The following CSNK1G3 variants were observed in gnomAD, a reference collection of about 807,000 sequenced individuals.
CSNK1G3 encodes the protein casein kinase I isoform gamma-3.
In CSNK1G3, 23 loss-of-function variants were observed where a neutral mutation model predicts 64.3. The ratio of observed to expected loss-of-function variants is 0.36; its 90% confidence interval spans 0.26 to 0.51. The LOEUF (loss-of-function observed/expected upper bound fraction) is 0.51, where lower values mean the gene tolerates loss of function less well. Ranked by LOEUF, CSNK1G3 falls within the 20% of genes least tolerant of loss-of-function variation. The pLI is 0.96. For synonymous variants in CSNK1G3, 158 were observed against 162.2 expected, an observed-to-expected ratio of 0.97 and a Z score of 0.20; for missense variants, 357 against 510.5, an observed-to-expected ratio of 0.70 and a Z score of 2.90.
At chr5:123,611,636 G>A (rs764229555) in intron 12 of CSNK1G3, among the ~76,000 whole-genome samples, 7 of 152,106 alleles carry the variant, frequency 4.6e-5, no homozygotes, top group South Asian at 2.1e-4. Flanking sequence ...ATCAAAATGT[G>A]TATTACATTA....
intron 12 of CSNK1G3, among the ~76,000 whole-genome samples, chr5:123,609,753 A>C (rs1795996539): frequency 6.6e-6 from 1 of 152,204 alleles, no homozygotes; most frequent in South Asian, 2.1e-4. Context: ...CCTTCCTTCC[A>C]TTCATAGTAT....
At chr5:123,514,259 C>T (rs1329510210) in intron 1 of CSNK1G3, among the ~76,000 whole-genome samples, 1 of 152,152 alleles carries the variant, frequency 6.6e-6, no homozygotes, top group African/African-American at 2.4e-5. Flanking sequence ...TTATTATAGT[C>T]ATCCACCCCC....
intron 3 of CSNK1G3, among the ~76,000 whole-genome samples, chr5:123,555,784 A>G (rs777713567): frequency 6.6e-6 from 1 of 152,082 alleles, no homozygotes; most frequent in Non-Finnish European, 1.5e-5. Context: ...GATTTGGGTC[A>G]GTATTTTTAT....
At chr5:123,593,114 A>T (rs1458161274) in intron 10 of CSNK1G3, among the ~76,000 whole-genome samples, 1 of 151,734 alleles carries the variant, frequency 6.6e-6, no homozygotes, top group Non-Finnish European at 1.5e-5. Context: ...ATGTCTTGCT[A>T]ACTAGAGTAT....
intron 12 of CSNK1G3, among the ~76,000 whole-genome samples, chr5:123,609,875 G>A (rs1046107772): frequency 2.7e-5 from 4 of 148,480 alleles, no homozygotes; most frequent in Non-Finnish European, 5.9e-5. Context: ...AGTCAATGGA[G>A]AATCATTGAT....
intron 6 of CSNK1G3, among the ~76,000 whole-genome samples, chr5:123,585,498 T>C (rs929467095): frequency 6.6e-6 from 1 of 152,114 alleles, no homozygotes; most frequent in Non-Finnish European, 1.5e-5. Flanking sequence ...TAAAATTTCT[T>C]TTAAACATAC....
At chr5:123,539,443 A>AC (rs946165531) in intron 1 of CSNK1G3, among the ~76,000 whole-genome samples, 28 of 149,570 alleles carry the variant, frequency 1.9e-4, no homozygotes, top group Admixed American at 4.7e-4. Context: ...AGATTAAAAA[A>AC]AAAAAAAAAA....
intron 3 of CSNK1G3, among the ~76,000 whole-genome samples, chr5:123,556,738 A>G (rs1197399215): frequency 6.6e-6 from 1 of 150,922 alleles, no homozygotes; most frequent in Non-Finnish European, 1.5e-5. Context: ...TCTAACGTCT[A>G]AAACCCATGT....
At chr5:123,543,341 G>A (rs779162817) in intron 1 of CSNK1G3, among the ~76,000 whole-genome samples, 1 of 152,062 alleles carries the variant, frequency 6.6e-6, no homozygotes, top group Non-Finnish European at 1.5e-5. Context: ...TATTAGTGAG[G>A]TTCTTCTGCT....
chr5:123,519,076 G>A (rs1031810207), intron 1 of CSNK1G3, among the ~76,000 whole-genome samples: 8 of 151,794 alleles, frequency 5.3e-5, no homozygotes, highest in East Asian at 1.9e-4. Context: ...TTTTTGAGAC[G>A]GAGTTTTACT....
At chr5:123,605,420 T>C in intron 12 of CSNK1G3, 58 bp downstream of exon 13, 1 of 1,574,180 alleles carries the variant, frequency 6.4e-7, no homozygotes. Context: ...TTCAAAGATT[T>C]AGCATCATTT....
chr5:123,529,488 C>A (rs888421013), intron 1 of CSNK1G3, among the ~76,000 whole-genome samples: 2 of 152,102 alleles, frequency 1.3e-5, no homozygotes, highest in East Asian at 3.8e-4. Flanking sequence ...CTGATGAGAT[C>A]TTTTTGGGGG....
intron 3 of CSNK1G3, among the ~76,000 whole-genome samples, chr5:123,553,417 T>G (rs1212973531): frequency 6.6e-6 from 1 of 152,176 alleles, no homozygotes; most frequent in Non-Finnish European, 1.5e-5. Context: ...TGGCCCTATT[T>G]TTAATTTAGG....
intron 6 of CSNK1G3, among the ~76,000 whole-genome samples, chr5:123,581,101 T>G (rs979238898): frequency 3.9e-5 from 6 of 151,950 alleles, no homozygotes; most frequent in African/African-American, 1.2e-4. Flanking sequence ...TTTTTTGCAG[T>G]TTAAAAACAT....
At chr5:123,593,536 A>G (rs1792839533) in intron 10 of CSNK1G3, among the ~76,000 whole-genome samples, 1 of 151,886 alleles carries the variant, frequency 6.6e-6, no homozygotes. Context: ...AGCTCTTACT[A>G]TATTCTTAGA....
At chr5:123,543,710 A>C (rs968259176) in intron 1 of CSNK1G3, among the ~76,000 whole-genome samples, 4 of 152,138 alleles carry the variant, frequency 2.6e-5, no homozygotes, top group African/African-American at 9.7e-5. Flanking sequence ...AAGGGATCAC[A>C]GTCTGTGCTG....
exon 6 of CSNK1G3, chr5:123,575,884 G>C (rs1789059509): frequency 2.5e-6 from 4 of 1,613,446 alleles, no homozygotes; most frequent in African/African-American, 1.3e-5. Context: ...CGGAGACAAA[G>C]AAACACATAC....
chr5:123,612,845 C>G (rs1748653819), intron 12 of CSNK1G3, among the ~76,000 whole-genome samples: 1 of 152,112 alleles, frequency 6.6e-6, no homozygotes, highest in Non-Finnish European at 1.5e-5. Flanking sequence ...ATATTATACA[C>G]AGTCTGAATT....
At chr5:123,592,985 G>A (rs1413708582) in intron 10 of CSNK1G3, among the ~76,000 whole-genome samples, 2 of 151,788 alleles carry the variant, frequency 1.3e-5, no homozygotes, top group African/African-American at 4.8e-5. Flanking sequence ...GATTAATACG[G>A]TATTCTTTGA....
Sources: gnomAD v4.1 joint callset for allele counts (sites outside exome capture counted in the v4.1 genomes callset) on GRCh38, gnomAD v4.1.1 for gene constraint, MANE v1.5 for transcripts, NCBI Gene and HGNC (gene_info 2026-07-23, HGNC 2026-07-21) for gene names.